The following SLC9B2 variants were observed in gnomAD, a reference collection of about 807,000 sequenced individuals.
SLC9B2 encodes the protein sodium/hydrogen exchanger 9B2.
A neutral mutation model predicts 52.2 loss-of-function variants in SLC9B2; 39 were observed. That is an observed-to-expected ratio of 0.75 (90% confidence interval 0.58 to 0.98). The LOEUF (loss-of-function observed/expected upper bound fraction) is 0.98, where lower values mean the gene tolerates loss of function less well. SLC9B2 is among the 50% of genes least tolerant of loss of function. The probability of loss-of-function intolerance (pLI) is 0.00; values close to 1 mark genes in which losing one functional copy is unlikely to be tolerated. For missense variants in SLC9B2, 626 were observed against 637.5 expected, an observed-to-expected ratio of 0.98 and a Z score of 0.19; for synonymous variants, 214 against 227.0, an observed-to-expected ratio of 0.94 and a Z score of 0.51.
At chr4:103,059,468 C>A (rs1220722848) in intron 3 of SLC9B2, among the ~76,000 whole-genome samples, 1 of 152,182 alleles carries the variant, frequency 6.6e-6, no homozygotes, top group Non-Finnish European at 1.5e-5. Context: ...GCCGCTTCAT[C>A]CACATGTGTT....
intron 2 of SLC9B2, among the ~76,000 whole-genome samples, chr4:103,067,132 A>G (rs1203615425): frequency 6.6e-6 from 1 of 152,180 alleles, no homozygotes; most frequent in African/African-American, 2.4e-5. Context: ...TTTAAGATAA[A>G]ATTCAGGGCA....
At chr4:103,036,998 C>T (rs1281895135) in intron 9 of SLC9B2, among the ~76,000 whole-genome samples, 1 of 152,070 alleles carries the variant, frequency 6.6e-6, no homozygotes, top group East Asian at 1.9e-4. Flanking sequence ...CATGTTCTCC[C>T]CATATCTGCA....
intron 10 of SLC9B2, among the ~76,000 whole-genome samples, chr4:103,030,301 C>A (rs1210799428): frequency 2.6e-5 from 4 of 152,090 alleles, no homozygotes. Context: ...TGATAAAGGG[C>A]AGCATTTAAG....
chr4:103,064,516 G>A (rs975400858), intron 3 of SLC9B2, among the ~76,000 whole-genome samples: 2 of 152,130 alleles, frequency 1.3e-5, no homozygotes, highest in African/African-American at 2.4e-5. Flanking sequence ...TGGGGTTATG[G>A]GGAGAGAGTG....
intron 11 of SLC9B2, among the ~76,000 whole-genome samples, chr4:103,028,004 T>C (rs1257753955): frequency 1.3e-5 from 2 of 152,174 alleles, no homozygotes; most frequent in East Asian, 3.8e-4. Context: ...ATGTAATTAG[T>C]CTGAAAATAT....
intron 9 of SLC9B2, among the ~76,000 whole-genome samples, chr4:103,041,014 A>G (rs1015221821): frequency 6.6e-6 from 1 of 152,216 alleles, no homozygotes; most frequent in African/African-American, 2.4e-5. Flanking sequence ...TGAGACAGGT[A>G]CTTCATATTT....
chr4:103,075,471 A>T (rs1747037195), intron 1 of SLC9B2, among the ~76,000 whole-genome samples: 1 of 152,220 alleles, frequency 6.6e-6, no homozygotes, highest in Non-Finnish European at 1.5e-5. Context: ...ACTAAGATGC[A>T]GTCTGCCCTT....
intron 10 of SLC9B2, 95 bp from the exon 11 acceptor site, chr4:103,028,978 AT>A: frequency 1.9e-6 from 2 of 1,070,264 alleles, no homozygotes; most frequent in Admixed American, 3.3e-5. Context: ...AACAGAAATA[AT>A]TTTTAAAGCA....
chr4:103,030,945 G>T (rs1424348916), intron 10 of SLC9B2, among the ~76,000 whole-genome samples: 2 of 152,020 alleles, frequency 1.3e-5, no homozygotes, highest in Non-Finnish European at 2.9e-5. Flanking sequence ...TTTCTGACTG[G>T]CTTATTTCGC....
At chr4:103,073,240 C>G (rs1746826170) in intron 1 of SLC9B2, among the ~76,000 whole-genome samples, 1 of 152,142 alleles carries the variant, frequency 6.6e-6, no homozygotes, top group African/African-American at 2.4e-5. Flanking sequence ...GGGTTGTATT[C>G]ATGCCTTTGA....
Position 103,028,855 on chromosome 4 carries a change from T to G in SLC9B2, c.1284A>C (p.Ala428=). ...VGLCVATVGI[A]VLIRILTTFL... ...ATGTAGTCAAAATTCGTATCAATACTGCAATGCCTACGGTGGCAACACAAA... is the reference window on the plus strand; with the variant it reads ...ATGTAGTCAAAATTCGTATCAATACGGCAATGCCTACGGTGGCAACACAAA... Residue 428 remains alanine, a synonymous_variant, in exon 11 of 12, where the codon GCA becomes GCC. Transcript: ENST00000394785. The G allele has an allele frequency of 5.0e-6, 8 of 1,604,336 alleles. No individual in the cohort carries two copies. The highest frequency in any genetic ancestry group is 6.8e-6 in the Non-Finnish European group (8 of 1,176,930).
Position 103,067,543 on chromosome 4 carries a change from T to G in SLC9B2, c.8A>C (p.Asp3Ala), listed in dbSNP as rs1264056550. MGDEDKRITYEDS... is the reference protein window; with the variant it reads MGAEDKRITYEDS... ...TTCATATGTAATTCTTTTATCTTCA[T>G]CCCCCATTATTTATAATTAAGAAGA... Residue 3 changes from aspartate (D) to alanine (A), a missense_variant, in exon 2 of 12, where the codon GAT becomes GCT. Asp to Ala is a moderately radical substitution (Grantham distance 126, BLOSUM62 -2). Coordinates refer to ENST00000394785, the MANE Select transcript of SLC9B2 (RefSeq NM_178833.7). 5 of 1,608,266 alleles carry G rather than the reference T, an allele frequency of 3.1e-6. No homozygotes were observed. Among genetic ancestry groups the G allele is most frequent in the Non-Finnish European group, 4.3e-6 (5 of 1,175,276 alleles).
chr4:103,068,636 T>C (rs765691646), intron 1 of SLC9B2, among the ~76,000 whole-genome samples: 1 of 152,166 alleles, frequency 6.6e-6, no homozygotes. Flanking sequence ...ATTGGGGTAA[T>C]TGTTTAAACC....
intron 3 of SLC9B2, among the ~76,000 whole-genome samples, chr4:103,061,518 G>GCTA (rs1745640461): frequency 6.6e-6 from 1 of 152,130 alleles, no homozygotes; most frequent in Non-Finnish European, 1.5e-5. Context: ...GTGGGGTGGG[G>GCTA]GTAGGAGGGA....
intron 9 of SLC9B2, among the ~76,000 whole-genome samples, chr4:103,038,297 CAAATGAAAGTAGG>C (rs1213112948): frequency 1.3e-5 from 2 of 152,114 alleles, no homozygotes; most frequent in African/African-American, 4.8e-5. Flanking sequence ...ACTCAGAATA[CAAATGAAAGTAGG>C]ACTAAAAATA....
intron 10 of SLC9B2, 84 bp from the exon 11 acceptor site, chr4:103,028,967 C>A: frequency 2.6e-6 from 3 of 1,139,754 alleles, no homozygotes; most frequent in South Asian, 2.0e-5. Flanking sequence ...AAATAACCAT[C>A]AACAGAAATA....
chr4:103,028,837 C>T lies in SLC9B2; in HGVS notation c.1302G>A (p.Leu434=). The T allele has an allele frequency of 3.1e-6, 5 of 1,608,618 alleles. No individual in the cohort carries two copies. The highest frequency in any genetic ancestry group is 4.2e-6 in the Non-Finnish European group (5 of 1,178,290). The change falls in exon 11 of 12, where the codon TTG becomes TTA. Residue 434 remains leucine, a synonymous_variant. Coordinates refer to ENST00000394785, the MANE Select transcript of SLC9B2 (RefSeq NM_178833.7). ...TVGIAVLIRI[L]TTFLMVCFAG... ...CAAAACACACCATCAGAAATGTAGT[C>T]AAAATTCGTATCAATACTGCAATGC...
At chr4:103,019,636 G>GGCCCGGGAGCC, downstream of SLC9B2, 1 of 985,442 alleles carries the variant, frequency 1.0e-6, no homozygotes. Context: ...GCCCGGGAGC[G>GGCCCGGGAGCC]GCCCAGGAGC....
chr4:103,028,721 A>T, intron 11 of SLC9B2, 26 bp downstream of exon 11: 2 of 1,584,480 alleles, frequency 1.3e-6, no homozygotes, highest in Non-Finnish European at 8.5e-7. Flanking sequence ...AGCAGTTAAA[A>T]TGCTAAGCCA....
Sources: gnomAD v4.1 joint callset for allele counts (sites outside exome capture counted in the v4.1 genomes callset) on GRCh38, gnomAD v4.1.1 for gene constraint, MANE v1.5 for transcripts, NCBI Gene and HGNC (gene_info 2026-07-23, HGNC 2026-07-21) for gene names.